Variants in ZFYVE28 observed in about 807,000 individuals in gnomAD.
ZFYVE28 encodes lateral signaling target protein 2 homolog.
Under a neutral mutation model 82.1 loss-of-function variants are expected in ZFYVE28, and 40 were observed. That is an observed-to-expected ratio of 0.49 (90% CI 0.38 to 0.63). The LOEUF is 0.63. Among genes scored for constraint, ZFYVE28 ranks in the 30% least tolerant of loss-of-function variants. The pLI, the probability that ZFYVE28 is intolerant of heterozygous loss-of-function variation, is 0.00. For missense variants in ZFYVE28, 1,321 were observed against 1,242.1 expected, an observed-to-expected ratio of 1.06 and a Z score of -0.96; for synonymous variants, 612 against 546.1, an observed-to-expected ratio of 1.12 and a Z score of -1.68.
chr4:2,373,266 G>A (rs1727761843), intron 1 of ZFYVE28, among the ~76,000 whole-genome samples: 1 of 152,224 alleles, frequency 6.6e-6, no homozygotes, highest in Non-Finnish European at 1.5e-5. Context: ...GAGAGGCTGA[G>A]GTGGGAGAAT....
chr4:2,371,872 C>T (rs1172980660), intron 1 of ZFYVE28, among the ~76,000 whole-genome samples: 2 of 150,374 alleles, frequency 1.3e-5, no homozygotes, highest in East Asian at 2.0e-4. Flanking sequence ...CGTGAGAAGC[C>T]GGCCTCGGCG....
rs1341670414 is a variant in ZFYVE28, at chr4:2,380,640, T to C, written c.40-26567A>G. Among the ~76,000 whole-genome samples, 5 of 152,278 alleles carry C rather than the reference T, an allele frequency of 3.3e-5. No individual in the cohort carries two copies. In the East Asian group the frequency reaches 9.7e-4, roughly 29 times the overall value. ...GAATTATACTCTCGTAATTCCCACG[T>C]GTTGTGGGAGGGACCCAGTGGGAGA... On this transcript the variant is annotated intron_variant, in intron 1 of 12. Transcript: ENST00000290974.
intron 8 of ZFYVE28, among the ~76,000 whole-genome samples, chr4:2,299,270 G>A (rs897653717): frequency 6.6e-5 from 10 of 152,110 alleles, no homozygotes; most frequent in Non-Finnish European, 2.9e-5. Context: ...GATCAGAGGG[G>A]GCAAACCTCA....
chr4:2,298,820 C>A (rs1272821705), intron 8 of ZFYVE28, among the ~76,000 whole-genome samples: 1 of 152,204 alleles, frequency 6.6e-6, no homozygotes, highest in African/African-American at 2.4e-5. Context: ...CCACAGCCTC[C>A]GTCAGTCCCA....
intron 7 of ZFYVE28, among the ~76,000 whole-genome samples, chr4:2,312,946 G>A (rs73203389): frequency 0.19 from 28,247 of 151,904 alleles, 2,901 homozygotes; most frequent in South Asian, 0.28. Context: ...TCAGGAGGCT[G>A]AGGCACGAGA....
In ZFYVE28 at chr4:2,416,831, G is replaced by A. The variant is rs1733100078; in HGVS notation, c.39+1454C>T. 6.8e-6 allele frequency among the ~76,000 whole-genome samples: 1 copy of A among 147,022 alleles called. No individual in the cohort carries two copies. Among genetic ancestry groups the A allele is most frequent in the Non-Finnish European group, 1.5e-5 (1 of 67,450 alleles). On this transcript the variant is annotated intron_variant, in intron 1 of 12. Transcript: ENST00000290974. The surrounding 1 kb of genome is among the most constrained non-coding windows in gnomAD (Gnocchi z 4.6). The stretch of plus-strand genomic sequence containing the variant: ...CCGAGTCCCCTCCCAATCAAGCCAA[G>A]GCCGAGCAAGGGGCGCCCCATGTAC...
chr4:2,371,572 G>A (rs73793739), intron 1 of ZFYVE28, among the ~76,000 whole-genome samples: 5,505 of 152,232 alleles, frequency 0.036, 306 homozygotes, highest in African/African-American at 0.12. Flanking sequence ...AAAGCCAAAC[G>A]GGTATTCACT....
intron 1 of ZFYVE28, among the ~76,000 whole-genome samples, chr4:2,365,461 G>T (rs561209303): frequency 1.3e-5 from 2 of 152,224 alleles, no homozygotes; most frequent in African/African-American, 4.8e-5. Context: ...GTCTGCGCCA[G>T]TCACCCAGGC....
rs767502411 is a variant in ZFYVE28 at position 2,320,129 on chromosome 4, G to A, written c.803+41C>T. 3 of 1,584,458 alleles carry A rather than the reference G, an allele frequency of 1.9e-6. No individual in the cohort carries two copies. The highest frequency in any genetic ancestry group is 1.1e-5 in the South Asian group (1 of 90,068). ...TTCAGCGCCCACCTGTGGCCCTCCT[G>A]TCCCCCTCCCCTCCCCCACCTCCTC... On this transcript the variant is annotated intron_variant, in intron 7 of 12. Coordinates refer to ENST00000290974, the MANE Select transcript of ZFYVE28 (RefSeq NM_020972.3). This position sits in a 1 kb window ranked among gnomAD's most constrained non-coding sequence, Gnocchi z 5.1.
Position 2,341,397 on chromosome 4 carries a change from C to G in ZFYVE28, c.318+81G>C. The G allele has an allele frequency of 6.5e-7, 1 of 1,549,662 alleles. No homozygotes were observed. The highest frequency in any genetic ancestry group is 1.4e-5 in the African/African-American group (1 of 73,500). ...GACACCAGGTCCCGGCACCTGCAGG[C>G]GCCCATGCACAAGGTTCGCAGGGAC... On this transcript the variant is annotated intron_variant, in intron 3 of 12. Coordinates refer to ENST00000290974, the MANE Select transcript of ZFYVE28 (RefSeq NM_020972.3). This position sits in a 1 kb window ranked among gnomAD's most constrained non-coding sequence, Gnocchi z 4.5.
intron 7 of ZFYVE28, among the ~76,000 whole-genome samples, chr4:2,310,491 ACT>A (rs1464469155): frequency 6.6e-6 from 1 of 152,048 alleles, no homozygotes; most frequent in Non-Finnish European, 1.5e-5. Flanking sequence ...TCTAGATTAT[ACT>A]CTTATTGAAA....
In ZFYVE28 at chr4:2,409,702, G is replaced by A. The variant is rs1237825838; in HGVS notation, c.39+8583C>T. Among the ~76,000 whole-genome samples the A allele has an allele frequency of 6.6e-6, 1 of 152,256 alleles. No individual in the cohort carries two copies. Among genetic ancestry groups the A allele is most frequent in the African/African-American group, 2.4e-5 (1 of 41,464 alleles). On this transcript the variant is annotated intron_variant, in intron 1 of 12. Coordinates refer to ENST00000290974, the MANE Select transcript of ZFYVE28 (RefSeq NM_020972.3). The surrounding 1 kb of genome is among the most constrained non-coding windows in gnomAD (Gnocchi z 4.4). Reference sequence around the variant, plus strand: ...CAGTACACCCACGGTGGGGTGGGGGGGCTGACCCCTGCGGGCAGCTCTGTG... The same window carrying A: ...CAGTACACCCACGGTGGGGTGGGGGAGCTGACCCCTGCGGGCAGCTCTGTG...
At chr4:2,412,817 C>T (rs373804696) in intron 1 of ZFYVE28, among the ~76,000 whole-genome samples, 3 of 152,160 alleles carry the variant, frequency 2.0e-5, no homozygotes, top group Non-Finnish European at 2.9e-5. Context: ...CCACTGAAGC[C>T]GCCTTAAATT....
chr4:2,312,703 G>C (rs1717642941), intron 7 of ZFYVE28, among the ~76,000 whole-genome samples: 1 of 143,504 alleles, frequency 7.0e-6, no homozygotes, highest in South Asian at 2.2e-4. Flanking sequence ...CTCCAGCCTG[G>C]GCGACAGAGC....
intron 12 of ZFYVE28, 153 bp from the exon 13 acceptor site, chr4:2,271,009 G>A: frequency 4.2e-6 from 5 of 1,178,534 alleles, no homozygotes; most frequent in Non-Finnish European, 5.9e-6. Context: ...ACCTTCAGGA[G>A]GCTGGACTCT....
chr4:2,413,437 G>C (rs962133528), intron 1 of ZFYVE28, among the ~76,000 whole-genome samples: 2 of 152,232 alleles, frequency 1.3e-5, no homozygotes, highest in African/African-American at 2.4e-5. Flanking sequence ...ACCACACACA[G>C]CTGAGAGAGA....
intron 8 of ZFYVE28, among the ~76,000 whole-genome samples, chr4:2,294,459 T>G (rs1290740574): frequency 6.6e-6 from 1 of 152,214 alleles, no homozygotes; most frequent in Non-Finnish European, 1.5e-5. Context: ...GAATACTGTA[T>G]AGATCTAAAT....
In ZFYVE28 at chr4:2,372,530, G is replaced by A. The variant is rs1319026822; in HGVS notation, c.40-18457C>T. Among the ~76,000 whole-genome samples, 3 of 151,926 alleles carry A rather than the reference G, an allele frequency of 2.0e-5. No individual in the cohort carries two copies. Among genetic ancestry groups the A allele is most frequent in the Non-Finnish European group, 2.9e-5 (2 of 67,972 alleles). On this transcript the variant is annotated intron_variant, in intron 1 of 12. Transcript: ENST00000290974. This position sits in a 1 kb window ranked among gnomAD's most constrained non-coding sequence, Gnocchi z 5.2. ...CGAGGCCTCCTAGCCCCTCCAGCAC[G>A]GCACCATGCCCTATCACCCCATCAT...
chr4:2,349,408 C>G (rs1578200920), intron 2 of ZFYVE28, among the ~76,000 whole-genome samples: 1 of 151,286 alleles, frequency 6.6e-6, no homozygotes, highest in Admixed American at 6.6e-5. Context: ...GGGAGATATA[C>G]CTAATGCTAG....
Sources: allele counts gnomAD v4.1 joint callset (sites outside exome capture counted in the v4.1 genomes callset), GRCh38; gene constraint gnomAD v4.1.1; non-coding constraint Gnocchi (gnomAD v3.1); transcripts MANE v1.5; gene names NCBI Gene and HGNC (gene_info 2026-07-23, HGNC 2026-07-21).